The following TUT7 variants were observed in gnomAD, a reference collection of about 807,000 sequenced individuals.
The protein encoded by TUT7 is terminal uridylyltransferase 7.
Under a neutral mutation model 165.9 loss-of-function variants are expected in TUT7, and 33 were observed. The ratio of observed to expected loss-of-function variants is 0.20; its 90% CI spans 0.15 to 0.27. TUT7 has a LOEUF of 0.27. Among genes scored for constraint, TUT7 ranks in the 10% least tolerant of loss-of-function variants. The pLI is 1.00. For missense variants in TUT7, 1,338 were observed against 1,762.3 expected, an observed-to-expected ratio of 0.76 and a Z score of 4.31; for synonymous variants, 552 against 608.1, an observed-to-expected ratio of 0.91 and a Z score of 1.36.
intron 14 of TUT7, among the ~76,000 whole-genome samples, chr9:86,320,888 T>C (rs1331511264): frequency 6.6e-6 from 1 of 152,218 alleles, no homozygotes; most frequent in African/African-American, 2.4e-5. Flanking sequence ...CTTTGTATCC[T>C]GGCTTATAAC....
At chr9:86,325,907 T>C (rs1829746954) in intron 11 of TUT7, among the ~76,000 whole-genome samples, 1 of 152,152 alleles carries the variant, frequency 6.6e-6, no homozygotes, top group Non-Finnish European at 1.5e-5. Flanking sequence ...CACACAAAAA[T>C]GGACAGTAGC....
At chr9:86,304,447 C>T (rs1229143549) in intron 24 of TUT7, among the ~76,000 whole-genome samples, 1 of 152,054 alleles carries the variant, frequency 6.6e-6, no homozygotes, top group Non-Finnish European at 1.5e-5. Context: ...CTGTTAACCC[C>T]CTAGTCCCAG....
chr9:86,317,258 T>A lies in TUT7; in HGVS notation c.3235A>T (p.Thr1079Ser), dbSNP rs757683426. Residue 1079 changes from threonine (T) to serine (S), a missense_variant, in exon 17 of 27, where the codon ACT becomes TCT. This residue lies in a region of TUT7 where 157 missense variants were observed against 357.5 expected (regional missense o/e 0.44). Transcript: ENST00000375963. ...AGGACTCTTGCTAATTCTTCAATAG[T>A]TCTGACACAGTCCAATCCCTACAAC... ...ETAEGLDCVR[T>S]IEELARVLRK... 6.2e-7 allele frequency: 1 copy of A among 1,613,940 alleles called. No individual in the cohort carries two copies. The highest frequency in any genetic ancestry group is 8.5e-7 in the Non-Finnish European group (1 of 1,179,884).
At chr9:86,305,953 A>G (rs1360111953) in intron 22 of TUT7, among the ~76,000 whole-genome samples, 1 of 152,222 alleles carries the variant, frequency 6.6e-6, no homozygotes, top group Non-Finnish European at 1.5e-5. Context: ...AGGAATGATG[A>G]AAACAATGCT....
At chr9:86,347,684 AAAATT>A (rs1831894410) in intron 2 of TUT7, among the ~76,000 whole-genome samples, 1 of 152,226 alleles carries the variant, frequency 6.6e-6, no homozygotes, top group Admixed American at 6.5e-5. Flanking sequence ...AAAATTAAAA[AAAATT>A]AAAGTGTTGG....
At chr9:86,297,785 T>C (rs1296294600) in intron 26 of TUT7, among the ~76,000 whole-genome samples, 1 of 152,002 alleles carries the variant, frequency 6.6e-6, no homozygotes, top group Non-Finnish European at 1.5e-5. Flanking sequence ...AACCCTACAA[T>C]AGTCTCTCAT....
chr9:86,303,880 A>C (rs1260395614), intron 24 of TUT7, among the ~76,000 whole-genome samples: 1 of 152,228 alleles, frequency 6.6e-6, no homozygotes, highest in Non-Finnish European at 1.5e-5. Flanking sequence ...AGCCACATCA[A>C]TATCTACCAT....
intron 25 of TUT7, chr9:86,301,893 A>G (rs927524017): frequency 3.1e-6 from 3 of 973,226 alleles, no homozygotes; most frequent in African/African-American, 1.8e-5. Flanking sequence ...ACACTGATGT[A>G]ATGAAAGGCA....
chr9:86,297,162 AT>A (rs1826398635), intron 26 of TUT7, among the ~76,000 whole-genome samples: 1 of 152,114 alleles, frequency 6.6e-6, no homozygotes, highest in African/African-American at 2.4e-5. Context: ...TAGCATCTAT[AT>A]TTCTCTCTCA....
At chr9:86,342,018 C>A (rs892999257) in intron 6 of TUT7, among the ~76,000 whole-genome samples, 2 of 152,006 alleles carry the variant, frequency 1.3e-5, no homozygotes, top group Non-Finnish European at 2.9e-5. Flanking sequence ...TTAATGACAC[C>A]GGATCAAAAT....
At chr9:86,312,747 T>C (rs1217733810) in intron 17 of TUT7, among the ~76,000 whole-genome samples, 1 of 152,182 alleles carries the variant, frequency 6.6e-6, no homozygotes, top group Non-Finnish European at 1.5e-5. Flanking sequence ...CATGGGAGAC[T>C]TTTCATTTTG....
At chr9:86,338,764 C>G in intron 9 of TUT7, 59 bp downstream of exon 9, 6 of 1,411,338 alleles carry the variant, frequency 4.3e-6, no homozygotes, top group Non-Finnish European at 5.6e-6. Context: ...AAGTAAAAAT[C>G]AAAGCATACT....
chr9:86,316,722 G>A (rs556600952), intron 17 of TUT7, among the ~76,000 whole-genome samples: 5 of 152,060 alleles, frequency 3.3e-5, no homozygotes, highest in African/African-American at 1.2e-4. Flanking sequence ...ACGCATACAA[G>A]ATTTTAAAAA....
At position 86,288,655 on chromosome 9, in the gene TUT7, A is replaced by C. The variant is rs1825696608; in HGVS notation, c.*22T>G. 1 of 1,607,690 alleles carries C rather than the reference A, an allele frequency of 6.2e-7. No individual in the cohort carries two copies. The highest frequency in any genetic ancestry group is 8.5e-7 in the Non-Finnish European group (1 of 1,174,550). ...AATAGGAACGCCTGAGTGGCCATTTAGAGTGCTGCATTTTCCTTCCCTCAT... is the reference window on the plus strand; with the variant it reads ...AATAGGAACGCCTGAGTGGCCATTTCGAGTGCTGCATTTTCCTTCCCTCAT... On this transcript the variant is annotated 3_prime_UTR_variant, in exon 27 of 27. Transcript: ENST00000375963.
rs888231524 is a variant in TUT7 at position 86,354,327 on chromosome 9, G to A, written c.-88C>T. The A allele has an allele frequency of 6.5e-6, 1 of 152,826 alleles. No individual in the cohort carries two copies. The highest frequency in any genetic ancestry group is 2.4e-5 in the African/African-American group (1 of 41,454). 9.5% of individuals were successfully genotyped at this position (152,826 alleles called of 1,614,324 possible). On this transcript the variant is annotated 5_prime_UTR_variant, in exon 1 of 27. Transcript: ENST00000375963. ...GTCCAGGAAACCAACTGGAGAATCA[G>A]CCCGGAGGCGAGTCTGGCAGGGACG...
chr9:86,333,312 A>G (rs376932713), intron 10 of TUT7, among the ~76,000 whole-genome samples: 3 of 152,182 alleles, frequency 2.0e-5, no homozygotes, highest in African/African-American at 4.8e-5. Flanking sequence ...CTCAGTCATT[A>G]GTCCTTCTAC....
intron 20 of TUT7, 60 bp downstream of exon 20, chr9:86,309,403 G>T: frequency 6.7e-7 from 1 of 1,498,976 alleles, no homozygotes; most frequent in Non-Finnish European, 9.1e-7. Flanking sequence ...TTTAGAGGAG[G>T]AGAAAGGCTC....
In TUT7 at chr9:86,327,264, T is replaced by C. The variant is rs1224127303; in HGVS notation, c.1608+1076A>G. On this transcript the variant is annotated intron_variant, in intron 11 of 26. Coordinates refer to ENST00000375963, the MANE Select transcript of TUT7 (RefSeq NM_024617.4). The stretch of plus-strand genomic sequence containing the variant: ...CCATAACATGAAACTGGAGAGACCT[T>C]TGAAATATCTAGACTACAGGAACTT... Among the ~76,000 whole-genome samples, 10 of 152,244 alleles carry C rather than the reference T, an allele frequency of 6.6e-5. 1 individual carries two copies. The highest frequency in any genetic ancestry group is 2.2e-4 in the African/African-American group (9 of 41,468).
intron 12 of TUT7, among the ~76,000 whole-genome samples, 165 bp downstream of exon 12, chr9:86,325,169 T>C (rs1829678927): frequency 6.6e-6 from 1 of 152,212 alleles, no homozygotes; most frequent in South Asian, 2.1e-4. Flanking sequence ...TTCCTTGAAA[T>C]GACCCACTGT....
Sources: allele counts gnomAD v4.1 joint callset (sites outside exome capture counted in the v4.1 genomes callset), GRCh38; gene constraint gnomAD v4.1.1; regional missense constraint gnomAD v4.1.1; transcripts MANE v1.5; gene names NCBI Gene and HGNC (gene_info 2026-07-23, HGNC 2026-07-21).